The following TRAPPC10 variants were observed in gnomAD, a reference collection of about 807,000 sequenced individuals.
The protein encoded by TRAPPC10 is TRAPP 130 kDa subunit.
In TRAPPC10, 23 loss-of-function variants were observed where a neutral mutation model predicts 125.5. The ratio of observed to expected loss-of-function variants is 0.18; its 90% CI spans 0.13 to 0.26. The LOEUF is 0.26. Among genes scored for constraint, TRAPPC10 ranks in the 10% least tolerant of loss-of-function variants. The pLI, the probability that TRAPPC10 is intolerant of heterozygous loss-of-function variation, is 1.00. For synonymous variants in TRAPPC10, 509 were observed against 518.0 expected (o/e 0.98, Z 0.24); for missense variants, 1,123 against 1,308.4 (o/e 0.86, Z 2.19).
Position 44,086,841 on chromosome 21 carries a change from C to G in TRAPPC10, c.2420C>G (p.Thr807Ser). The change falls in exon 16 of 23, where the codon ACT becomes AGT. Residue 807 changes from threonine (T) to serine (S), a missense_variant. Physicochemically the swap from Thr to Ser is moderately conservative, Grantham distance 58 (BLOSUM62 1). Coordinates refer to ENST00000291574, the MANE Select transcript of TRAPPC10 (RefSeq NM_003274.5). Reference sequence around the variant, plus strand: ...GGCATTCCTCAGAGAGTCAAGTTCACTGTCACTACCGGCCATTATACGATA... The same window carrying G: ...GGCATTCCTCAGAGAGTCAAGTTCAGTGTCACTACCGGCCATTATACGATA... ...LAGIPQRVKF[T>S]VTTGHYTIKN... 1 of 1,614,202 alleles carries G rather than the reference C, an allele frequency of 6.2e-7. No individual in the cohort carries two copies. Among genetic ancestry groups the G allele is most frequent in the Non-Finnish European group, 8.5e-7 (1 of 1,180,038 alleles).
chr21:44,012,681 G>A, intron 1 of TRAPPC10, 121 bp downstream of exon 1: 1 of 862,344 alleles, frequency 1.2e-6, no homozygotes, highest in South Asian at 1.7e-5. Flanking sequence ...CCGCTTCCTG[G>A]AGGTGTGACC....
intron 2 of TRAPPC10, among the ~76,000 whole-genome samples, chr21:44,033,611 G>A (rs2033761495): frequency 6.6e-6 from 1 of 152,178 alleles, no homozygotes. Flanking sequence ...CTGTCATCCA[G>A]ACACTGTAGG....
At chr21:44,037,160 A>T (rs1055597703) in intron 2 of TRAPPC10, among the ~76,000 whole-genome samples, 1 of 152,182 alleles carries the variant, frequency 6.6e-6, no homozygotes, top group Non-Finnish European at 1.5e-5. Context: ...CGGCACAGAG[A>T]TCCACGCGGT....
chr21:44,089,748 C>A, intron 17 of TRAPPC10, 85 bp from the exon 18 acceptor site: 2 of 1,011,168 alleles, frequency 2.0e-6, no homozygotes, highest in Non-Finnish European at 3.1e-6. Flanking sequence ...TGGGCGGGCA[C>A]TGCAGGTGAG....
At chr21:44,048,340 C>G (rs982900893) in intron 3 of TRAPPC10, among the ~76,000 whole-genome samples, 4 of 152,310 alleles carry the variant, frequency 2.6e-5, no homozygotes, top group African/African-American at 9.6e-5. Flanking sequence ...CCTCCCCACC[C>G]TCTGGTGGGC....
intron 3 of TRAPPC10, among the ~76,000 whole-genome samples, chr21:44,048,962 G>A (rs2035053168): frequency 6.6e-6 from 1 of 152,166 alleles, no homozygotes; most frequent in Admixed American, 6.5e-5. Flanking sequence ...TGTGCAGATT[G>A]TTCTGAATTT....
At chr21:44,031,757 G>C (rs1374346735) in intron 1 of TRAPPC10, among the ~76,000 whole-genome samples, 1 of 152,222 alleles carries the variant, frequency 6.6e-6, no homozygotes, top group African/African-American at 2.4e-5. Flanking sequence ...GGAGGCTGTA[G>C]AACACAGCAA....
chr21:44,054,966 T>C lies in TRAPPC10; in HGVS notation c.483-732T>C, dbSNP rs572569693. 6.6e-5 allele frequency among the ~76,000 whole-genome samples: 10 copies of C among 152,300 alleles called. No individual in the cohort carries two copies. The East Asian group carries it at 1.7e-3, about 26-fold the overall frequency. On this transcript the variant is annotated intron_variant, in intron 4 of 22. Coordinates refer to ENST00000291574, the MANE Select transcript of TRAPPC10 (RefSeq NM_003274.5). ...CGGGAGAAGGTCAGCAGGCTTGAGC[T>C]GGGAAGCAGAGGAAGTAAAGTGAGA...
At chr21:44,079,368 C>T in intron 11 of TRAPPC10, 196 bp from the exon 12 acceptor site, 2 of 539,632 alleles carry the variant, frequency 3.7e-6, no homozygotes, top group Non-Finnish European at 6.3e-6. Context: ...AGATCTTTGC[C>T]TGGGAGTCTA....
At chr21:44,074,898 TG>T (rs2037161223) in intron 8 of TRAPPC10, 140 bp from the exon 9 acceptor site, 1 of 659,256 alleles carries the variant, frequency 1.5e-6, no homozygotes, top group African/African-American at 1.8e-5. Flanking sequence ...GATGTATTTT[TG>T]TATCCAGATT....
intron 3 of TRAPPC10, among the ~76,000 whole-genome samples, chr21:44,045,818 A>T (rs546889859): frequency 6.6e-6 from 1 of 151,992 alleles, no homozygotes; most frequent in Non-Finnish European, 1.5e-5. Flanking sequence ...GGCCTCCCAA[A>T]GTGCTGGGAT....
At chr21:44,045,885 A>C in intron 3 of TRAPPC10, among the ~76,000 whole-genome samples, 1 of 151,608 alleles carries the variant, frequency 6.6e-6, no homozygotes, top group Admixed American at 6.6e-5. Context: ...TTGGTTTTTA[A>C]CAGTTTGATT....
chr21:44,018,706 AAAAG>A (rs961393295), intron 1 of TRAPPC10, among the ~76,000 whole-genome samples: 1 of 152,060 alleles, frequency 6.6e-6, no homozygotes, highest in African/African-American at 2.4e-5. Flanking sequence ...AAAAAAAAAA[AAAAG>A]TATGTCGGGC....
chr21:44,068,993 C>G (rs2036656485), intron 7 of TRAPPC10, among the ~76,000 whole-genome samples: 1 of 152,156 alleles, frequency 6.6e-6, no homozygotes, highest in African/African-American at 2.4e-5. Context: ...AAATCTTGAT[C>G]TCACCCCATA....
intron 1 of TRAPPC10, among the ~76,000 whole-genome samples, 181 bp downstream of exon 1, chr21:44,012,741 A>T (rs1601521570): frequency 6.6e-6 from 1 of 151,722 alleles, no homozygotes; most frequent in East Asian, 1.9e-4. Context: ...ACGCCCTCTG[A>T]CCTTCCCGCC....
chr21:44,041,613 C>T (rs1249350638), intron 3 of TRAPPC10, among the ~76,000 whole-genome samples: 2 of 152,088 alleles, frequency 1.3e-5, no homozygotes, highest in Admixed American at 1.3e-4. Flanking sequence ...CTCAGGTGAT[C>T]TGCCTGCCTC....
intron 3 of TRAPPC10, among the ~76,000 whole-genome samples, chr21:44,051,286 C>T (rs372952038): frequency 1.1e-4 from 17 of 152,146 alleles, no homozygotes; most frequent in African/African-American, 3.9e-4. Flanking sequence ...CTTGAAAGTC[C>T]GGAGGAATTA....
Position 44,087,819 on chromosome 21 carries a change from C to T in TRAPPC10, c.2660C>T (p.Ser887Leu). The T allele has an allele frequency of 1.9e-6, 3 of 1,614,238 alleles. No homozygotes were observed. Among genetic ancestry groups the T allele is most frequent in the Non-Finnish European group, 2.5e-6 (3 of 1,180,050 alleles). The change falls in exon 17 of 23, where the codon TCA becomes TTA. Residue 887 changes from serine to leucine, a missense_variant. By Grantham distance (145) the Ser-to-Leu change is moderately radical (BLOSUM62 -2). Transcript: ENST00000291574. This position sits in a 1 kb window ranked among gnomAD's most constrained non-coding sequence, Gnocchi z 4.6. ...GAACTGGAAGTTCTCTCTTTACCTT[C>T]AGCCCCAGCACTCGGAGGGGAGAGT... ...EFELEVLSLP[S>L]APALGGESDM...
At chr21:44,057,374 A>C (rs576262718) in intron 5 of TRAPPC10, among the ~76,000 whole-genome samples, 14 of 151,234 alleles carry the variant, frequency 9.3e-5, no homozygotes, top group African/African-American at 2.9e-4. Context: ...ATCTCGGCTC[A>C]CTGCAACCTC....
Sources: allele counts gnomAD v4.1 joint callset (sites outside exome capture counted in the v4.1 genomes callset), GRCh38; gene constraint gnomAD v4.1.1; non-coding constraint Gnocchi (gnomAD v3.1); transcripts MANE v1.5; gene names NCBI Gene and HGNC (gene_info 2026-07-23, HGNC 2026-07-21).